Variants in CXADR observed in about 807,000 individuals in gnomAD.
The protein encoded by CXADR is CXADR cell adhesion molecule.
Under a neutral mutation model 40.3 loss-of-function variants are expected in CXADR, and 20 were observed. The ratio of observed to expected loss-of-function variants is 0.50; its 90% CI spans 0.35 to 0.72. The LOEUF is 0.72. Ranked by LOEUF, CXADR falls within the 30% of genes least tolerant of loss-of-function variation. The probability of loss-of-function intolerance (pLI) is 0.01; values close to 1 mark genes in which losing one functional copy is unlikely to be tolerated. For synonymous variants in CXADR, 150 were observed against 161.3 expected (o/e 0.93, Z 0.53); for missense variants, 332 against 449.1 (o/e 0.74, Z 2.36).
At chr21:17,532,546 ACACCGATGATGTTCTAATT>A (rs2060692071) in intron 1 of CXADR, among the ~76,000 whole-genome samples, 3 of 152,310 alleles carry the variant, frequency 2.0e-5, no homozygotes, top group African/African-American at 7.2e-5. Context: ...TTGGCCTAGG[ACACCGATGATGTTCTAATT>A]GCCAAATCTA....
chr21:17,546,888 GT>G, intron 1 of CXADR, 138 bp from the exon 2 acceptor site: 1 of 903,572 alleles, frequency 1.1e-6, no homozygotes, highest in Non-Finnish European at 1.7e-6. Flanking sequence ...CATCTCTTGA[GT>G]TTGGACTCCA....
At chr21:17,626,562 G>C in the CXADR span, among the ~76,000 whole-genome samples, 3 of 152,062 alleles carry the variant, frequency 2.0e-5, no homozygotes, top group Non-Finnish European at 1.5e-5. Context: ...TTCAAAGCCT[G>C]ACAACTTTAT....
At chr21:17,634,366 C>A in the CXADR span, among the ~76,000 whole-genome samples, 1 of 152,264 alleles carries the variant, frequency 6.6e-6, no homozygotes, top group South Asian at 2.1e-4. Flanking sequence ...GTTCATGTTG[C>A]GTATCTTTTT....
the CXADR span, among the ~76,000 whole-genome samples, chr21:17,631,259 T>C: frequency 6.6e-6 from 1 of 152,214 alleles, no homozygotes; most frequent in Non-Finnish European, 1.5e-5. Flanking sequence ...AATAGGTTCA[T>C]GTAGTTTTAC....
At chr21:17,518,666 T>C in intron 1 of CXADR, 1 of 1,610,226 alleles carries the variant, frequency 6.2e-7, no homozygotes, top group South Asian at 1.1e-5. Flanking sequence ...CTAAGGCTTG[T>C]TAAACTGTCA....
At chr21:17,532,170 C>CA in intron 1 of CXADR, among the ~76,000 whole-genome samples, 1 of 152,014 alleles carries the variant, frequency 6.6e-6, no homozygotes, top group African/African-American at 2.4e-5. Context: ...TGGGCCTAAG[C>CA]AGTCTTCCTG....
chr21:17,532,321 A>G (rs1037533103), intron 1 of CXADR, among the ~76,000 whole-genome samples: 44 of 151,892 alleles, frequency 2.9e-4, no homozygotes, highest in African/African-American at 1.0e-3. Context: ...CTCCTATTCT[A>G]TTTGCTTTTT....
chr21:17,627,846 G>T, the CXADR span, among the ~76,000 whole-genome samples: 3 of 152,086 alleles, frequency 2.0e-5, no homozygotes, highest in African/African-American at 7.2e-5. Flanking sequence ...GACCCAGATT[G>T]GTAAAAGTAT....
chr21:17,620,164 C>T, the CXADR span, among the ~76,000 whole-genome samples: 3 of 152,328 alleles, frequency 2.0e-5, no homozygotes, highest in East Asian at 5.8e-4. Context: ...CAGCCTGTCT[C>T]GACTGACTTT....
At position 17,568,532 on chromosome 21, in the gene CXADR, T is replaced by C; in HGVS notation, c.*2840T>C. 1 of 982,070 alleles carries C rather than the reference T, an allele frequency of 1.0e-6. No homozygotes were observed. Among genetic ancestry groups the C allele is most frequent in the Non-Finnish European group, 1.2e-6 (1 of 827,920 alleles). 60.8% of individuals were successfully genotyped at this position (982,070 alleles called of 1,614,324 possible). On this transcript the variant is annotated 3_prime_UTR_variant, in exon 7 of 7. Coordinates refer to ENST00000284878, the MANE Select transcript of CXADR (RefSeq NM_001338.5). ...ACAGAGGATAATTTGAAGAGAAATG[T>C]TACTGTAGAATATATAGTTCTGTAC...
chr21:17,574,075 G>A (rs1332627695), downstream of CXADR, among the ~76,000 whole-genome samples: 1 of 152,292 alleles, frequency 6.6e-6, no homozygotes, highest in East Asian at 1.9e-4. Flanking sequence ...TTATTCACAA[G>A]ATAACTATTA....
At chr21:17,634,192 T>A in the CXADR span, among the ~76,000 whole-genome samples, 1 of 152,178 alleles carries the variant, frequency 6.6e-6, no homozygotes, top group Admixed American at 6.5e-5. Context: ...AAGAGTATGA[T>A]CTTCAGAGGA....
intron 7 of CXADR, among the ~76,000 whole-genome samples, chr21:17,575,539 G>A (rs1307203777): frequency 6.7e-6 from 1 of 148,988 alleles, no homozygotes; most frequent in African/African-American, 2.5e-5. Flanking sequence ...TGCCCAGGCT[G>A]GAGTGCAGTG....
chr21:17,568,150 A>G lies in CXADR; in HGVS notation c.*2458A>G. 1.1e-6 allele frequency: 1 copy of G among 928,800 alleles called. No individual in the cohort carries two copies. The highest frequency in any genetic ancestry group is 1.3e-6 in the Non-Finnish European group (1 of 796,350). 57.5% of individuals were successfully genotyped at this position (928,800 alleles called of 1,614,324 possible). On this transcript the variant is annotated 3_prime_UTR_variant, in exon 7 of 7. Coordinates refer to ENST00000284878, the MANE Select transcript of CXADR (RefSeq NM_001338.5). ...CTTTTTTTTTTTTTTTTTTTTTAAGACGGAGTCTCGGTCTGTCACCCAGGC... is the reference window on the plus strand; with the variant it reads ...CTTTTTTTTTTTTTTTTTTTTTAAGGCGGAGTCTCGGTCTGTCACCCAGGC...
chr21:17,549,453 G>T (rs899574197), intron 2 of CXADR, among the ~76,000 whole-genome samples: 1 of 152,214 alleles, frequency 6.6e-6, no homozygotes, highest in African/African-American at 2.4e-5. Context: ...ATATTGAAAT[G>T]ATAATCATGT....
chr21:17,619,490 G>A, the CXADR span, among the ~76,000 whole-genome samples: 1 of 152,112 alleles, frequency 6.6e-6, no homozygotes, highest in Non-Finnish European at 1.5e-5. Flanking sequence ...ACAGGGGGCT[G>A]AGGCAGGAGA....
At chr21:17,580,055 T>G (rs1243642109) in intron 7 of CXADR, among the ~76,000 whole-genome samples, 1 of 152,106 alleles carries the variant, frequency 6.6e-6, no homozygotes, top group Non-Finnish European at 1.5e-5. Context: ...ACTCCTGGCC[T>G]CAGGCAGTCT....
downstream of CXADR, among the ~76,000 whole-genome samples, chr21:17,594,669 C>G (rs910353364): frequency 6.6e-6 from 1 of 152,042 alleles, no homozygotes; most frequent in African/African-American, 2.4e-5. Context: ...CTGGCTAAGC[C>G]AGGAGTCACT....
At chr21:17,561,908 G>A (rs921078512) in intron 6 of CXADR, among the ~76,000 whole-genome samples, 4 of 152,164 alleles carry the variant, frequency 2.6e-5, no homozygotes, top group African/African-American at 9.7e-5. Flanking sequence ...CGAGAAGTGT[G>A]CATATTAGAT....
Sources: allele counts gnomAD v4.1 joint callset (sites outside exome capture counted in the v4.1 genomes callset), GRCh38; gene constraint gnomAD v4.1.1; transcripts MANE v1.5; gene names NCBI Gene and HGNC (gene_info 2026-07-23, HGNC 2026-07-21).